Variants in CALN1 observed in about 807,000 individuals in gnomAD.
CALN1 encodes the protein calneuron 1.
In CALN1, 17 loss-of-function variants were observed where a neutral mutation model predicts 30.6. The observed-to-expected ratio is 0.56, with a 90% CI of 0.38 to 0.83. The LOEUF is 0.83. Among genes scored for constraint, CALN1 ranks in the 40% least tolerant of loss-of-function variants. CALN1 has a pLI of 0.00. For missense variants in CALN1, 291 were observed against 354.9 expected, an observed-to-expected ratio of 0.82 and a Z score of 1.45; for synonymous variants, 156 against 131.4, an observed-to-expected ratio of 1.19 and a Z score of -1.28.
At chr7:71,845,621 T>C (rs563904785) in intron 5 of CALN1, among the ~76,000 whole-genome samples, 1 of 152,296 alleles carries the variant, frequency 6.6e-6, no homozygotes, top group South Asian at 2.1e-4. Context: ...CAGAGGTTCA[T>C]CAGCATGGCT....
chr7:72,194,592 CTTTTT>C (rs1181135798), intron 3 of CALN1, among the ~76,000 whole-genome samples: 4 of 115,678 alleles, frequency 3.5e-5, no homozygotes, highest in African/African-American at 9.8e-5. Flanking sequence ...TAACTGGCCT[CTTTTT>C]TTTTTTTTTT....
chr7:71,907,921 T>C (rs1032256009), intron 5 of CALN1, among the ~76,000 whole-genome samples: 2 of 151,868 alleles, frequency 1.3e-5, no homozygotes, highest in Non-Finnish European at 2.9e-5. Context: ...GACAAAGGAT[T>C]AATAAAAAAT....
intron 3 of CALN1, among the ~76,000 whole-genome samples, chr7:72,165,388 C>T (rs1006068893): frequency 1.3e-5 from 2 of 151,778 alleles, no homozygotes; most frequent in Non-Finnish European, 2.9e-5. Context: ...GGTGAGACTG[C>T]GTTCCTACTA....
intron 3 of CALN1, among the ~76,000 whole-genome samples, chr7:72,275,634 G>C (rs765875532): frequency 2.0e-5 from 3 of 152,164 alleles, no homozygotes; most frequent in Non-Finnish European, 4.4e-5. Flanking sequence ...ATCTTCACCA[G>C]CCAATCTCGG....
In CALN1 at chr7:71,868,451, A is replaced by T. The variant is rs918891962; in HGVS notation, c.502-57959T>A. Among the ~76,000 whole-genome samples the T allele has an allele frequency of 8.0e-5, 12 of 149,592 alleles. 1 individual carries two copies. Among genetic ancestry groups the T allele is most frequent in the Admixed American group, 6.8e-4 (10 of 14,798 alleles). On this transcript the variant is annotated intron_variant, in intron 5 of 6. Coordinates refer to ENST00000395275, the MANE Select transcript of CALN1 (RefSeq NM_031468.4). ...CGGTGGCACTATCTCGGCCCACTGC[A>T]ACCTCCGCCTCCTGGGTTCAAGCAA...
At chr7:72,368,566 G>GA (rs916143354) in intron 2 of CALN1, among the ~76,000 whole-genome samples, 10 of 151,684 alleles carry the variant, frequency 6.6e-5, no homozygotes, top group African/African-American at 2.4e-4. Flanking sequence ...CAAGAAATAA[G>GA]AAAAATCATC....
chr7:72,350,289 CA>C (rs1280651504), intron 2 of CALN1, among the ~76,000 whole-genome samples: 1 of 152,124 alleles, frequency 6.6e-6, no homozygotes, highest in Non-Finnish European at 1.5e-5. Context: ...GGTATATACC[CA>C]AAGGAATATG....
chr7:72,179,881 A>G (rs1296657629), intron 3 of CALN1, among the ~76,000 whole-genome samples: 1 of 152,212 alleles, frequency 6.6e-6, no homozygotes. Context: ...AAGGACATAT[A>G]CTGTTTGCTT....
chr7:71,932,815 C>CAAAAA (rs5884864), intron 5 of CALN1, among the ~76,000 whole-genome samples: 13 of 82,690 alleles, frequency 1.6e-4, no homozygotes, highest in African/African-American at 3.2e-4. Flanking sequence ...TACTCCATCT[C>CAAAAA]AAAAAAAAAA....
chr7:72,247,212 C>G (rs960346789), intron 3 of CALN1, among the ~76,000 whole-genome samples: 6 of 132,588 alleles, frequency 4.5e-5, no homozygotes, highest in Non-Finnish European at 9.4e-5. Context: ...GGGTTTTCAA[C>G]AGACCATTTT....
chr7:71,933,282 G>A (rs765064553), intron 5 of CALN1, among the ~76,000 whole-genome samples: 23 of 152,278 alleles, frequency 1.5e-4, no homozygotes, highest in African/African-American at 3.4e-4. Context: ...GCTTCCCTGC[G>A]TGGTACGTAA....
chr7:72,259,575 G>C (rs371844483), intron 3 of CALN1, among the ~76,000 whole-genome samples: 1 of 152,088 alleles, frequency 6.6e-6, no homozygotes, highest in East Asian at 1.9e-4. Flanking sequence ...TAAGCTAAGC[G>C]GGAATCCCAC....
intron 2 of CALN1, among the ~76,000 whole-genome samples, chr7:72,327,638 A>G (rs1171196000): frequency 1.3e-5 from 2 of 152,218 alleles, no homozygotes; most frequent in Non-Finnish European, 2.9e-5. Flanking sequence ...CTAACTTTTG[A>G]TAATGAAAAA....
intron 2 of CALN1, among the ~76,000 whole-genome samples, chr7:72,394,001 T>C (rs1805753467): frequency 6.6e-6 from 1 of 152,144 alleles, no homozygotes. Flanking sequence ...AGGAAGTAAA[T>C]GGATCCTGAG....
intron 5 of CALN1, among the ~76,000 whole-genome samples, chr7:71,922,516 A>G (rs1795000373): frequency 7.0e-6 from 1 of 143,740 alleles, no homozygotes; most frequent in South Asian, 2.1e-4. Flanking sequence ...TACACAATAT[A>G]TAACACACAG....
intron 2 of CALN1, among the ~76,000 whole-genome samples, chr7:72,301,459 T>G (rs1429249070): frequency 6.6e-6 from 1 of 151,760 alleles, no homozygotes; most frequent in African/African-American, 2.4e-5. Flanking sequence ...AATACAAAAA[T>G]TAGCCTGGCT....
intron 5 of CALN1, among the ~76,000 whole-genome samples, chr7:71,890,677 A>C (rs868836133): frequency 6.6e-6 from 1 of 151,302 alleles, no homozygotes; most frequent in African/African-American, 2.4e-5. Context: ...ACCTATACCT[A>C]TATACCTATA....
At chr7:71,851,982 G>C (rs948610991) in intron 5 of CALN1, among the ~76,000 whole-genome samples, 1 of 152,094 alleles carries the variant, frequency 6.6e-6, no homozygotes, top group Non-Finnish European at 1.5e-5. Context: ...TGCAGAACCC[G>C]AGGGACAGGA....
chr7:72,000,073 C>T (rs1273183716), intron 5 of CALN1, among the ~76,000 whole-genome samples: 3 of 151,730 alleles, frequency 2.0e-5, no homozygotes, highest in Admixed American at 6.6e-5. Context: ...AGAAAGTGAG[C>T]GTGGAATGTC....
Sources: gnomAD v4.1 joint callset for allele counts (sites outside exome capture counted in the v4.1 genomes callset) on GRCh38, gnomAD v4.1.1 for gene constraint, MANE v1.5 for transcripts, NCBI Gene and HGNC (gene_info 2026-07-23, HGNC 2026-07-21) for gene names.